ZNF528: variants seen among roughly 807,000 people sequenced by gnomAD.
The protein encoded by ZNF528 is zinc finger protein 528.
A neutral mutation model predicts 13.3 loss-of-function variants in ZNF528; 9 were observed. The ratio of observed to expected loss-of-function variants is 0.67; its 90% confidence interval spans 0.41 to 1.18. The LOEUF is 1.18. ZNF528 is among the 50% of genes most tolerant of loss of function. The pLI is 0.01. For synonymous variants in ZNF528, 264 were observed against 254.3 expected, an observed-to-expected ratio of 1.04 and a Z score of -0.36; for missense variants, 858 against 745.4, an observed-to-expected ratio of 1.15 and a Z score of -1.76.
intron 2 of ZNF528, among the ~76,000 whole-genome samples, chr19:52,400,635 T>A (rs563978983): frequency 6.6e-6 from 1 of 152,166 alleles, no homozygotes; most frequent in South Asian, 2.1e-4. Flanking sequence ...AATCCTCCCG[T>A]CTTAGCCTCC....
intron 2 of ZNF528, among the ~76,000 whole-genome samples, chr19:52,399,823 A>G (rs2058770416): frequency 6.6e-6 from 1 of 152,128 alleles, no homozygotes; most frequent in Non-Finnish European, 1.5e-5. Flanking sequence ...CTTGTCACCA[A>G]CAAGCAGTTC....
rs184151564 is a variant in ZNF528 at position 52,415,005 on chromosome 19, C to A, written c.272-119C>A. ...TTCTGCACTGCCAGCATGATACACA[C>A]AATACCCTGATACTCCTACCAATGT... On this transcript the variant is annotated intron_variant, in intron 6 of 6. Coordinates refer to ENST00000360465, the MANE Select transcript of ZNF528 (RefSeq NM_032423.3). 8.5e-4 allele frequency: 1,319 copies of A among 1,556,798 alleles called. 7 individuals carry two copies. The African/African-American group carries it at 0.016, about 19-fold the overall frequency.
At chr19:52,403,613 T>C (rs1414474239) in intron 4 of ZNF528, among the ~76,000 whole-genome samples, 1 of 149,446 alleles carries the variant, frequency 6.7e-6, no homozygotes, top group Admixed American at 6.8e-5. Flanking sequence ...TGAGCCAAGA[T>C]TGTGCTACTG....
intron 4 of ZNF528, among the ~76,000 whole-genome samples, chr19:52,404,768 T>C (rs907042733): frequency 3.3e-5 from 5 of 151,706 alleles, no homozygotes; most frequent in African/African-American, 1.2e-4. Flanking sequence ...GGCTAATTTT[T>C]TTCTATTTTT....
rs774320501 is a variant in ZNF528 at position 52,416,915 on chromosome 19, A to G, written c.*176A>G. The G allele has an allele frequency of 3.3e-4, 211 of 631,716 alleles. 1 individual carries two copies. Among genetic ancestry groups the G allele is most frequent in the Non-Finnish European group, 4.8e-4 (181 of 374,230 alleles). The allele number at this position is 631,716 out of a possible 1,614,324, so 39.1% of individuals were successfully genotyped here. A position where few individuals can be genotyped will look rare whatever the true frequency, so the allele number is the denominator to read the frequency against. On this transcript the variant is annotated 3_prime_UTR_variant, in exon 7 of 7. Transcript: ENST00000360465. Reference sequence around the variant, plus strand: ...CACTGTGGAGGATGAAAGCACACAGATGAATTGTGTGTACTTGGGCTATTA... The same window carrying G: ...CACTGTGGAGGATGAAAGCACACAGGTGAATTGTGTGTACTTGGGCTATTA...
Position 52,416,030 on chromosome 19 carries a change from A to C in ZNF528, c.1178A>C (p.Lys393Thr). 1 of 1,614,094 alleles carries C rather than the reference A, an allele frequency of 6.2e-7. No homozygotes were observed. The highest frequency in any genetic ancestry group is 2.2e-5 in the East Asian group (1 of 44,876). ...GAATGTGACAAGGTCTTTGGGCGCA[A>C]GTGTTTCCTGACCTCTCATCAGAGA... ...CKECDKVFGR[K>T]CFLTSHQRIH... Residue 393 changes from lysine (K) to threonine (T), a missense_variant, in exon 7 of 7, where the codon AAG becomes ACG. Physicochemically the swap from Lys to Thr is moderately conservative, Grantham distance 78. Transcript: ENST00000360465.
chr19:52,414,236 C>G (rs1225691954), intron 6 of ZNF528: 1 of 702,588 alleles, frequency 1.4e-6, no homozygotes, highest in Non-Finnish European at 2.6e-6. Flanking sequence ...TCTTTGTTCA[C>G]GTCCTCAAAG....
intron 6 of ZNF528, chr19:52,408,133 C>T (rs1259972606): frequency 2.6e-5 from 4 of 151,932 alleles, no homozygotes. Context: ...ATTTTATGTT[C>T]CCATTAACAT....
chr19:52,402,309 G>A (rs1433170925), intron 4 of ZNF528: 2 of 578,284 alleles, frequency 3.5e-6, no homozygotes, highest in Non-Finnish European at 6.2e-6. Flanking sequence ...GTGCTGCTGG[G>A]CAGCAGGGAT....
chr19:52,401,144 C>G (rs923865342), intron 2 of ZNF528, among the ~76,000 whole-genome samples: 2 of 152,016 alleles, frequency 1.3e-5, no homozygotes, highest in Non-Finnish European at 2.9e-5. Context: ...TCACCCACCC[C>G]TCTCCCCTGA....
At chr19:52,414,241 T>G (rs982794737) in intron 6 of ZNF528, 10 of 702,562 alleles carry the variant, frequency 1.4e-5, no homozygotes, top group Non-Finnish European at 2.3e-5. Flanking sequence ...GTTCACGTCC[T>G]CAAAGTCCTA....
chr19:52,413,357 A>G (rs1369037664), intron 6 of ZNF528: 4 of 152,214 alleles, frequency 2.6e-5, no homozygotes, highest in East Asian at 3.9e-4. Flanking sequence ...AGTAGCAGAC[A>G]AGTTTGCGCC....
chr19:52,412,686 G>A (rs1227598923), intron 6 of ZNF528: 6 of 128,696 alleles, frequency 4.7e-5, no homozygotes, highest in Non-Finnish European at 9.9e-5. Context: ...CGAGGACAGA[G>A]TGCTGGCGTT....
In ZNF528 at chr19:52,416,655, A is replaced by G; in HGVS notation, c.1803A>G (p.Gly601=). Residue 601 remains glycine, a synonymous_variant, in exon 7 of 7, where the codon GGA becomes GGG. Coordinates refer to ENST00000360465, the MANE Select transcript of ZNF528 (RefSeq NM_032423.3). ...CCAATCACCATAGAATTCACATTGG[A>G]GAGAAACCTTACAAATGCACCCTGT... ...SLTNHHRIHI[G]EKPYKCTLCS... 1 of 1,614,146 alleles carries G rather than the reference A, an allele frequency of 6.2e-7. No homozygotes were observed. Among genetic ancestry groups the G allele is most frequent in the Non-Finnish European group, 8.5e-7 (1 of 1,179,972 alleles).
chr19:52,414,752 T>A (rs1249985549), intron 6 of ZNF528: 2 of 403,924 alleles, frequency 5.0e-6, no homozygotes, highest in East Asian at 1.3e-4. Context: ...CACTCAGTCC[T>A]TTTCTGGGGA....
At chr19:52,403,375 G>C (rs576690216) in intron 4 of ZNF528, among the ~76,000 whole-genome samples, 7 of 151,994 alleles carry the variant, frequency 4.6e-5, no homozygotes, top group Non-Finnish European at 1.0e-4. Context: ...GTAAAAAATA[G>C]GTCACTGGGA....
intron 2 of ZNF528, 109 bp from the exon 3 acceptor site, chr19:52,401,576 T>C: frequency 4.1e-6 from 4 of 976,462 alleles, no homozygotes; most frequent in Non-Finnish European, 5.5e-6. Context: ...CCCTTTCCTT[T>C]TCTGAGAGCG....
At chr19:52,399,454 C>T (rs747242235) in intron 2 of ZNF528, among the ~76,000 whole-genome samples, 5 of 152,016 alleles carry the variant, frequency 3.3e-5, no homozygotes, top group Non-Finnish European at 5.9e-5. Flanking sequence ...AGTAAAAATA[C>T]AAAAATTAGC....
At chr19:52,404,036 G>A (rs2058826500) in intron 4 of ZNF528, among the ~76,000 whole-genome samples, 2 of 151,990 alleles carry the variant, frequency 1.3e-5, no homozygotes, top group African/African-American at 4.8e-5. Flanking sequence ...TACTGAATTA[G>A]GTAATTGTCA....
Sources: gnomAD v4.1 joint callset for allele counts (sites outside exome capture counted in the v4.1 genomes callset) on GRCh38, gnomAD v4.1.1 for gene constraint, MANE v1.5 for transcripts, NCBI Gene and HGNC (gene_info 2026-07-23, HGNC 2026-07-21) for gene names.